SLC35D4: variants seen among roughly 807,000 people sequenced by gnomAD.
SLC35D4 encodes UDP-N-acetylglucosamine transporter SLC35D4.
At chr18:23,399,216 G>A in the SLC35D4 span, among the ~76,000 whole-genome samples, 1 of 152,202 alleles carries the variant, frequency 6.6e-6, no homozygotes, top group Non-Finnish European at 1.5e-5. Flanking sequence ...GCAAGGAGTA[G>A]TTTGGGCCCT....
the SLC35D4 span, among the ~76,000 whole-genome samples, chr18:23,302,960 T>C: frequency 6.6e-6 from 1 of 152,260 alleles, no homozygotes; most frequent in Non-Finnish European, 1.5e-5. Context: ...TGGTGATGAC[T>C]AACTTAAAAC....
the SLC35D4 span, among the ~76,000 whole-genome samples, chr18:23,327,956 A>G: frequency 3.9e-5 from 6 of 152,334 alleles, no homozygotes; most frequent in East Asian, 9.6e-4. Context: ...CAAAAACCAC[A>G]TGATTATCTC....
the SLC35D4 span, among the ~76,000 whole-genome samples, chr18:23,340,372 G>A: frequency 3.9e-5 from 6 of 152,040 alleles, no homozygotes; most frequent in Non-Finnish European, 7.4e-5. Flanking sequence ...AAAACCCCTG[G>A]AGTTGCCAGC....
the SLC35D4 span, among the ~76,000 whole-genome samples, chr18:23,263,985 C>T: frequency 1.3e-5 from 2 of 152,234 alleles, no homozygotes; most frequent in African/African-American, 4.8e-5. Context: ...GATTCCATCA[C>T]CATGAACTCG....
the SLC35D4 span, chr18:23,373,791 G>A: frequency 1.6e-5 from 26 of 1,608,142 alleles, no homozygotes; most frequent in Non-Finnish European, 1.3e-5. Flanking sequence ...AAACACTGCA[G>A]CTTCACCTTT....
At chr18:23,328,175 T>C in the SLC35D4 span, among the ~76,000 whole-genome samples, 21 of 152,184 alleles carry the variant, frequency 1.4e-4, no homozygotes, top group Non-Finnish European at 2.5e-4. Context: ...ACCACTCCTG[T>C]TCAACATAGT....
chr18:23,399,419 T>A, the SLC35D4 span: 3 of 686,542 alleles, frequency 4.4e-6, no homozygotes, highest in Admixed American at 3.1e-5. Flanking sequence ...TATCTGATTA[T>A]CTTCAACTCA....
chr18:23,437,303 C>A, the SLC35D4 span, among the ~76,000 whole-genome samples: 2 of 152,026 alleles, frequency 1.3e-5, no homozygotes, highest in Non-Finnish European at 1.5e-5. Context: ...ACAATGGAGA[C>A]GTACAAAAAA....
the SLC35D4 span, among the ~76,000 whole-genome samples, chr18:23,340,611 G>A: frequency 6.6e-6 from 1 of 152,156 alleles, no homozygotes; most frequent in Admixed American, 6.5e-5. Flanking sequence ...GACTTATTCT[G>A]AGCAAGCTAT....
At chr18:23,246,643 G>T in the SLC35D4 span, among the ~76,000 whole-genome samples, 1 of 151,576 alleles carries the variant, frequency 6.6e-6, no homozygotes, top group East Asian at 1.9e-4. Context: ...CGCCCACCTT[G>T]GCCTCCCAAA....
the SLC35D4 span, among the ~76,000 whole-genome samples, chr18:23,315,374 C>T: frequency 4.3e-4 from 66 of 152,174 alleles, no homozygotes; most frequent in Admixed American, 3.5e-3. Context: ...GGCCCCCGTC[C>T]GCACACCCAA....
chr18:23,252,766 T>G, the SLC35D4 span, among the ~76,000 whole-genome samples: 1 of 152,192 alleles, frequency 6.6e-6, no homozygotes, highest in East Asian at 1.9e-4. Flanking sequence ...AGTGGTGACT[T>G]GTTTTCCGTT....
the SLC35D4 span, among the ~76,000 whole-genome samples, chr18:23,426,531 T>C: frequency 3.3e-5 from 5 of 152,074 alleles, no homozygotes; most frequent in African/African-American, 1.2e-4. Context: ...CACAAACAAA[T>C]GGAAGAATAT....
At chr18:23,304,300 G>T in the SLC35D4 span, among the ~76,000 whole-genome samples, 3 of 145,094 alleles carry the variant, frequency 2.1e-5, no homozygotes, top group Admixed American at 2.1e-4. Flanking sequence ...AAAAATTAAA[G>T]AATTTAGATA....
At chr18:23,331,862 C>A in the SLC35D4 span, among the ~76,000 whole-genome samples, 1 of 148,282 alleles carries the variant, frequency 6.7e-6, no homozygotes, top group Non-Finnish European at 1.5e-5. Flanking sequence ...ATAAAGCTGC[C>A]ATGGATTTTC....
At chr18:23,391,222 G>GAA in the SLC35D4 span, among the ~76,000 whole-genome samples, 26 of 100,648 alleles carry the variant, frequency 2.6e-4, no homozygotes, top group African/African-American at 9.5e-4. Context: ...GACTCTGAAA[G>GAA]AAAAAAAAAA....
chr18:23,336,349 T>C, the SLC35D4 span, among the ~76,000 whole-genome samples: 11 of 152,300 alleles, frequency 7.2e-5, no homozygotes, highest in Non-Finnish European at 1.6e-4. Flanking sequence ...TGGAAAGACA[T>C]CAGACATGCT....
At chr18:23,357,149 C>G in the SLC35D4 span, among the ~76,000 whole-genome samples, 1 of 152,102 alleles carries the variant, frequency 6.6e-6, no homozygotes. Context: ...CTCTTTTCTT[C>G]TTTTCTGCCT....
At chr18:23,390,804 G>A in the SLC35D4 span, among the ~76,000 whole-genome samples, 1 of 152,158 alleles carries the variant, frequency 6.6e-6, no homozygotes, top group African/African-American at 2.4e-5. Flanking sequence ...TTCTATTTGG[G>A]TGATTTTTAA....
Sources: allele counts gnomAD v4.1 joint callset (sites outside exome capture counted in the v4.1 genomes callset), GRCh38; gene constraint gnomAD v4.1.1; transcripts MANE v1.5; gene names NCBI Gene and HGNC (gene_info 2026-07-23, HGNC 2026-07-21).